The following AGBL4 variants were observed in gnomAD, a reference collection of about 807,000 sequenced individuals.
The protein encoded by AGBL4 is cytosolic carboxypeptidase 6.
AGBL4 carries 58 observed loss-of-function variants against 66.4 expected under a neutral mutation model. The observed-to-expected ratio is 0.87, with a 90% CI of 0.71 to 1.09. The LOEUF (loss-of-function observed/expected upper bound fraction) is 1.09. Ranked by LOEUF, AGBL4 falls within the 50% of genes least tolerant of loss-of-function variation. AGBL4 has a pLI of 0.00. For missense variants in AGBL4, 579 were observed against 631.0 expected (o/e 0.92, Z 0.88); for synonymous variants, 234 against 222.9 (o/e 1.05, Z -0.44).
At chr1:49,166,659 C>A (rs1383820086) in intron 4 of AGBL4, among the ~76,000 whole-genome samples, 1 of 152,120 alleles carries the variant, frequency 6.6e-6, no homozygotes, top group East Asian at 1.9e-4. Context: ...AGCCACTAGT[C>A]CTCTTTACAT....
In AGBL4 at chr1:48,534,421, C is replaced by T. The variant is rs1294002174; in HGVS notation, c.1392-128G>A. ...CCAGGAACAGTAACCTAGTCTTCTT[C>T]CCACAGACACTAAAGGTGACAAAAA... On this transcript the variant is annotated intron_variant, in intron 13 of 13. Transcript: ENST00000371839. 3.9e-6 allele frequency: 5 copies of T among 1,289,676 alleles called. No homozygotes were observed. The African/African-American group carries it at 4.5e-5, about 12-fold the overall frequency. 79.9% of individuals were successfully genotyped at this position (1,289,676 alleles called of 1,614,324 possible). A position where few individuals can be genotyped will look rare whatever the true frequency, so the allele number is the denominator to read the frequency against.
intron 2 of AGBL4, among the ~76,000 whole-genome samples, chr1:49,829,849 T>C (rs1329174346): frequency 6.6e-6 from 1 of 152,168 alleles, no homozygotes; most frequent in Non-Finnish European, 1.5e-5. Flanking sequence ...CTCCCACTAA[T>C]GAGTGAAAAT....
At chr1:49,993,607 C>G (rs955564653) in intron 1 of AGBL4, among the ~76,000 whole-genome samples, 1 of 152,284 alleles carries the variant, frequency 6.6e-6, no homozygotes, top group South Asian at 2.1e-4. Flanking sequence ...GGCAGAATTA[C>G]ACACCCCATC....
intron 4 of AGBL4, among the ~76,000 whole-genome samples, chr1:49,163,661 C>T (rs986879752): frequency 6.6e-6 from 1 of 152,006 alleles, no homozygotes; most frequent in African/African-American, 2.4e-5. Flanking sequence ...AATTAATAAA[C>T]AAATGAAAAT....
At chr1:49,407,065 CAAAAAAAAAA>C (rs57974289) in intron 3 of AGBL4, among the ~76,000 whole-genome samples, 1 of 25,914 alleles carries the variant, frequency 3.9e-5, no homozygotes, top group South Asian at 1.4e-3. Flanking sequence ...ACTCTGCCTC[CAAAAAAAAAA>C]AAAAAAAAAA....
chr1:48,770,745 C>A (rs1644779389), intron 6 of AGBL4, among the ~76,000 whole-genome samples: 1 of 152,210 alleles, frequency 6.6e-6, no homozygotes, highest in African/African-American at 2.4e-5. Context: ...CTCCTCGAGA[C>A]AGGGAGGCCC....
At chr1:49,631,218 T>C (rs1645563922) in intron 3 of AGBL4, among the ~76,000 whole-genome samples, 1 of 152,198 alleles carries the variant, frequency 6.6e-6, no homozygotes, top group Non-Finnish European at 1.5e-5. Flanking sequence ...AGACCTACTT[T>C]GTACGGGCAT....
At chr1:49,889,511 CT>C in intron 1 of AGBL4, among the ~76,000 whole-genome samples, 1 of 152,130 alleles carries the variant, frequency 6.6e-6, no homozygotes, top group African/African-American at 2.4e-5. Context: ...AATCCCAGCT[CT>C]TTGGGAGGCC....
intron 2 of AGBL4, among the ~76,000 whole-genome samples, chr1:49,698,441 T>G (rs533370437): frequency 1.8e-4 from 27 of 152,260 alleles, no homozygotes; most frequent in African/African-American, 6.0e-4. Flanking sequence ...TGAACTAAAC[T>G]ATTTGATCCT....
intron 6 of AGBL4, among the ~76,000 whole-genome samples, chr1:48,672,180 G>T (rs1646287079): frequency 6.6e-6 from 1 of 152,222 alleles, no homozygotes; most frequent in Admixed American, 6.5e-5. Context: ...CACAGTAAAG[G>T]CAAGAGTTCA....
chr1:48,554,549 G>A (rs1380254457), intron 11 of AGBL4, among the ~76,000 whole-genome samples: 1 of 152,106 alleles, frequency 6.6e-6, no homozygotes, highest in Non-Finnish European at 1.5e-5. Flanking sequence ...TAGGAAGTGT[G>A]TGATTATAAA....
intron 3 of AGBL4, among the ~76,000 whole-genome samples, chr1:49,444,355 G>A (rs1412297467): frequency 6.6e-6 from 1 of 151,934 alleles, no homozygotes; most frequent in African/African-American, 2.4e-5. Context: ...TTGAGAGTGT[G>A]GAGTTAAAGT....
intron 2 of AGBL4, among the ~76,000 whole-genome samples, chr1:49,708,332 G>C (rs1571374834): frequency 1.3e-5 from 2 of 151,480 alleles, no homozygotes; most frequent in South Asian, 4.2e-4. Context: ...ACTTTCTTCT[G>C]CTTGATCAAT....
chr1:48,546,545 G>A, intron 11 of AGBL4, among the ~76,000 whole-genome samples: 1 of 152,176 alleles, frequency 6.6e-6, no homozygotes, highest in East Asian at 1.9e-4. Flanking sequence ...GGGTCCGAAG[G>A]CCCATGTAGC....
At chr1:48,905,233 A>G (rs1280705582) in intron 5 of AGBL4, among the ~76,000 whole-genome samples, 1 of 152,212 alleles carries the variant, frequency 6.6e-6, no homozygotes, top group Non-Finnish European at 1.5e-5. Context: ...AAAGACACTT[A>G]CAACAAGAGG....
intron 1 of AGBL4, among the ~76,000 whole-genome samples, chr1:49,865,160 G>A (rs1646670723): frequency 6.6e-6 from 1 of 152,146 alleles, no homozygotes; most frequent in Non-Finnish European, 1.5e-5. Context: ...GTAAATCAGA[G>A]GACTTAAGTA....
At chr1:49,037,785 T>C (rs1179398934) in intron 5 of AGBL4, among the ~76,000 whole-genome samples, 1 of 152,026 alleles carries the variant, frequency 6.6e-6, no homozygotes, top group Non-Finnish European at 1.5e-5. Context: ...AGGGACAGAA[T>C]GTGTTTTGTG....
At chr1:49,846,656 C>G (rs993212698) in intron 2 of AGBL4, among the ~76,000 whole-genome samples, 2 of 152,148 alleles carry the variant, frequency 1.3e-5, no homozygotes, top group Non-Finnish European at 1.5e-5. Context: ...TGAGAAACAA[C>G]TCAAGGAGGC....
intron 3 of AGBL4, among the ~76,000 whole-genome samples, chr1:49,352,399 A>G (rs185189221): frequency 1.7e-4 from 21 of 126,250 alleles, no homozygotes; most frequent in African/African-American, 4.8e-4. Context: ...TGTGGAAAGG[A>G]ACTACTACTA....
Sources: gnomAD v4.1 joint callset for allele counts (sites outside exome capture counted in the v4.1 genomes callset) on GRCh38, gnomAD v4.1.1 for gene constraint, MANE v1.5 for transcripts, NCBI Gene and HGNC (gene_info 2026-07-23, HGNC 2026-07-21) for gene names.